The following ATXN7L1 variants were observed in gnomAD, a reference collection of about 807,000 sequenced individuals.
ATXN7L1 encodes the protein ataxin-7-like protein 1.
ATXN7L1 carries 15 observed loss-of-function variants against 70.8 expected under a neutral mutation model. The observed-to-expected ratio is 0.21, with a 90% confidence interval of 0.14 to 0.33. ATXN7L1 has a LOEUF of 0.33. Among genes scored for constraint, ATXN7L1 ranks in the 10% least tolerant of loss-of-function variants. The pLI is 1.00. For synonymous variants in ATXN7L1, 440 were observed against 445.1 expected (o/e 0.99, Z 0.14); for missense variants, 975 against 1,097.1 (o/e 0.89, Z 1.57).
At chr7:105,664,849 G>A (rs909728054) in intron 4 of ATXN7L1, among the ~76,000 whole-genome samples, 2 of 152,030 alleles carry the variant, frequency 1.3e-5, no homozygotes, top group Non-Finnish European at 2.9e-5. Flanking sequence ...TTACAGGTGT[G>A]AGCGTGGCCC....
At chr7:105,668,562 T>A (rs1485256411) in intron 3 of ATXN7L1, among the ~76,000 whole-genome samples, 2 of 152,100 alleles carry the variant, frequency 1.3e-5, no homozygotes, top group African/African-American at 4.8e-5. Flanking sequence ...GCTGGGATTA[T>A]AGGCATGCAC....
At chr7:105,718,363 C>A (rs1373138589) in intron 3 of ATXN7L1, among the ~76,000 whole-genome samples, 3 of 152,122 alleles carry the variant, frequency 2.0e-5, no homozygotes, top group African/African-American at 7.2e-5. Context: ...TTCCTGGGTG[C>A]CAACTGGAGT....
intron 3 of ATXN7L1, among the ~76,000 whole-genome samples, chr7:105,699,366 A>G (rs1484919045): frequency 6.6e-6 from 1 of 152,344 alleles, no homozygotes; most frequent in South Asian, 2.1e-4. Context: ...TCCTGACCTC[A>G]GGTGATCTGC....
At chr7:105,629,694 T>C (rs1796299534) in intron 7 of ATXN7L1, among the ~76,000 whole-genome samples, 1 of 151,230 alleles carries the variant, frequency 6.6e-6, no homozygotes, top group Non-Finnish European at 1.5e-5. Context: ...TTTTTTGTAT[T>C]TTTAGTAGAG....
intron 3 of ATXN7L1, among the ~76,000 whole-genome samples, chr7:105,741,060 G>A (rs560569345): frequency 2.0e-5 from 3 of 152,182 alleles, no homozygotes; most frequent in Admixed American, 6.5e-5. Flanking sequence ...CACCGCACCC[G>A]GCGGTTGCTC....
At chr7:105,724,092 G>A (rs769640507) in intron 3 of ATXN7L1, among the ~76,000 whole-genome samples, 1 of 152,088 alleles carries the variant, frequency 6.6e-6, no homozygotes, top group Non-Finnish European at 1.5e-5. Context: ...CCACAATTTG[G>A]GGGGCTTACA....
rs1275007849 is a variant in ATXN7L1, at chr7:105,790,798, A to C, written c.251-2090T>G. Reference sequence around the variant, plus strand: ...GGGTGGAGACAGGGCTCTGGCAGGCACCTCCGCACTGCCTCCTTTTAGCTG... The same window carrying C: ...GGGTGGAGACAGGGCTCTGGCAGGCCCCTCCGCACTGCCTCCTTTTAGCTG... On this transcript the variant is annotated intron_variant, in intron 2 of 11. Transcript: ENST00000419735. 2.0e-5 allele frequency among the ~76,000 whole-genome samples: 3 copies of C among 151,800 alleles called. No individual in the cohort carries two copies. In the South Asian group the frequency reaches 6.3e-4, roughly 32 times the overall value.
intron 4 of ATXN7L1, among the ~76,000 whole-genome samples, chr7:105,650,080 T>C (rs866300790): frequency 1.6e-4 from 25 of 152,242 alleles, no homozygotes; most frequent in Middle Eastern, 3.2e-3. Context: ...CTCTCTTGGA[T>C]GTATTTTGGC....
chr7:105,786,101 C>T (rs1018460919), intron 3 of ATXN7L1, among the ~76,000 whole-genome samples: 1 of 152,212 alleles, frequency 6.6e-6, no homozygotes, highest in African/African-American at 2.4e-5. Context: ...TACTAGGACA[C>T]ACACCTAGAG....
intron 2 of ATXN7L1, among the ~76,000 whole-genome samples, chr7:105,834,779 C>T (rs927446705): frequency 2.6e-5 from 4 of 152,084 alleles, no homozygotes; most frequent in Admixed American, 1.3e-4. Context: ...ATGACTAGAA[C>T]GAATCCTGCC....
chr7:105,731,449 T>C (rs1025361486), intron 3 of ATXN7L1, among the ~76,000 whole-genome samples: 1 of 151,572 alleles, frequency 6.6e-6, no homozygotes, highest in East Asian at 1.9e-4. Context: ...TTTTTTTTTT[T>C]TTGAGATGGA....
At chr7:105,727,746 GTATATATATATATATATA>G (rs1232202676) in intron 3 of ATXN7L1, among the ~76,000 whole-genome samples, 3 of 55,356 alleles carry the variant, frequency 5.4e-5, no homozygotes, top group African/African-American at 9.8e-5. Flanking sequence ...GTGTATGTGT[GTATATATATATATATATA>G]TATATATATA....
rs1253569733 is a variant in ATXN7L1 at position 105,733,633 on chromosome 7, C to CCCATCCAT, written c.355+54963_355+54970dup. Among the ~76,000 whole-genome samples, 91 of 38,260 alleles carry CCCATCCAT rather than the reference C, an allele frequency of 2.4e-3. 13 individuals are homozygous for CCCATCCAT. The highest frequency in any genetic ancestry group is 3.6e-3 in the Non-Finnish European group (71 of 19,830). The allele number at this position is 38,260 out of a possible 152,430, so 25.1% of individuals were successfully genotyped here. ...ATCCATCCATCCATCCATCCATCCA[C>CCCATCCAT]CCATCCATCCATCCATCCATCCATC... On this transcript the variant is annotated intron_variant, in intron 3 of 11. Transcript: ENST00000419735.
At chr7:105,838,372 G>C (rs1204642939) in intron 2 of ATXN7L1, among the ~76,000 whole-genome samples, 4 of 152,200 alleles carry the variant, frequency 2.6e-5, no homozygotes, top group African/African-American at 4.8e-5. Flanking sequence ...CCTATACCAG[G>C]AGGGAGATGG....
intron 3 of ATXN7L1, among the ~76,000 whole-genome samples, chr7:105,764,990 C>T (rs182951311): frequency 4.1e-4 from 62 of 152,196 alleles, no homozygotes; most frequent in African/African-American, 1.4e-3. Flanking sequence ...AATGAACAAA[C>T]TATTCAGTGT....
chr7:105,619,140 G>GTTTTTTTTT (rs1191774371), intron 9 of ATXN7L1, among the ~76,000 whole-genome samples: 5,732 of 49,778 alleles, frequency 0.12, 2,182 homozygotes, highest in Middle Eastern at 0.29. Flanking sequence ...GAAATCTTTA[G>GTTTTTTTTT]TTTTTTTTTT....
intron 3 of ATXN7L1, among the ~76,000 whole-genome samples, chr7:105,762,786 T>C (rs1800721603): frequency 6.6e-6 from 1 of 151,950 alleles, no homozygotes; most frequent in Non-Finnish European, 1.5e-5. Context: ...CAGAATAGAG[T>C]GGATGTGACA....
intron 3 of ATXN7L1, among the ~76,000 whole-genome samples, chr7:105,745,289 G>C (rs1046643874): frequency 6.6e-6 from 1 of 151,958 alleles, no homozygotes; most frequent in Non-Finnish European, 1.5e-5. Context: ...TATAGGGGAG[G>C]GGGTGGACAG....
intron 8 of ATXN7L1, among the ~76,000 whole-genome samples, chr7:105,621,424 C>T (rs1028173660): frequency 4.6e-5 from 7 of 152,228 alleles, no homozygotes; most frequent in African/African-American, 1.4e-4. Context: ...ATACCTGATT[C>T]GACTATCAGT....
Sources: allele counts gnomAD v4.1 joint callset (sites outside exome capture counted in the v4.1 genomes callset), GRCh38; gene constraint gnomAD v4.1.1; transcripts MANE v1.5; gene names NCBI Gene and HGNC (gene_info 2026-07-23, HGNC 2026-07-21).